BBS9: variants seen among roughly 807,000 people sequenced by gnomAD.
BBS9 encodes the protein protein PTHB1.
Under a neutral mutation model 117.7 loss-of-function variants are expected in BBS9, and 89 were observed. The ratio of observed to expected loss-of-function variants is 0.76; its 90% CI spans 0.64 to 0.90. BBS9 has a LOEUF of 0.90. BBS9 is among the 40% of genes least tolerant of loss of function. BBS9 has a pLI of 0.00. For synonymous variants in BBS9, 379 were observed against 370.9 expected, an observed-to-expected ratio of 1.02 and a Z score of -0.25; for missense variants, 982 against 1,042.2, an observed-to-expected ratio of 0.94 and a Z score of 0.80.
chr7:33,613,828 C>T (rs1049781023), intron 21 of BBS9, among the ~76,000 whole-genome samples: 3 of 151,984 alleles, frequency 2.0e-5, no homozygotes, highest in East Asian at 1.9e-4. Flanking sequence ...CATTATATTA[C>T]AGAGAAAGAC....
intron 4 of BBS9, among the ~76,000 whole-genome samples, chr7:33,156,296 C>G (rs1370236181): frequency 1.3e-5 from 2 of 151,870 alleles, no homozygotes; most frequent in Non-Finnish European, 2.9e-5. Context: ...TAAGATATAA[C>G]TTAAAAATTT....
intron 9 of BBS9, among the ~76,000 whole-genome samples, chr7:33,313,435 A>G (rs1464183341): frequency 6.6e-6 from 1 of 152,040 alleles, no homozygotes; most frequent in African/African-American, 2.4e-5. Context: ...AAGTTACATC[A>G]TTTTCTTTTT....
intron 20 of BBS9, among the ~76,000 whole-genome samples, chr7:33,516,007 T>C (rs1847709369): frequency 6.6e-6 from 1 of 152,210 alleles, no homozygotes; most frequent in Non-Finnish European, 1.5e-5. Flanking sequence ...AATTAATTCA[T>C]TGAGGAGTAT....
intron 8 of BBS9, 124 bp downstream of exon 8, chr7:33,273,319 A>T (rs1442746056): frequency 1.2e-5 from 12 of 1,037,100 alleles, no homozygotes; most frequent in Non-Finnish European, 1.7e-5. Flanking sequence ...TGAATATGTA[A>T]TGGAAATTTT....
At chr7:33,270,036 A>AG (rs1334083016) in intron 7 of BBS9, among the ~76,000 whole-genome samples, 1 of 150,864 alleles carries the variant, frequency 6.6e-6, no homozygotes, top group Non-Finnish European at 1.5e-5. Context: ...AAAAAAAAAA[A>AG]GGAGAGAAAG....
intron 19 of BBS9, among the ~76,000 whole-genome samples, chr7:33,397,075 A>G (rs1050957139): frequency 1.3e-5 from 2 of 152,200 alleles, no homozygotes; most frequent in African/African-American, 4.8e-5. Flanking sequence ...CAGTCTCTCC[A>G]TCTGACAAAG....
downstream of BBS9, among the ~76,000 whole-genome samples, chr7:33,610,963 T>A (rs1864824181): frequency 6.6e-6 from 1 of 152,088 alleles, no homozygotes; most frequent in Non-Finnish European, 1.5e-5. Flanking sequence ...AGCCACTCCA[T>A]GAATTGTCCC....
rs1346713718 is a variant in BBS9 at position 33,605,376 on chromosome 7, AC to A, written c.*151del. Reference sequence around the variant, plus strand: ...GACATGCATAGAAAGAGGGGTTGGGACTTTTTACTTCACTAGGAGAACTTGT... The same window carrying A: ...GACATGCATAGAAAGAGGGGTTGGGATTTTTACTTCACTAGGAGAACTTGT... On this transcript the variant is annotated 3_prime_UTR_variant, in exon 23 of 23. Transcript: ENST00000242067. The A allele has an allele frequency of 5.0e-6, 4 of 798,416 alleles. No homozygotes were observed. Among genetic ancestry groups the A allele is most frequent in the Non-Finnish European group, 8.7e-6 (4 of 457,976 alleles). 49.5% of individuals were successfully genotyped at this position (798,416 alleles called of 1,614,324 possible).
chr7:33,225,284 A>T (rs1262027194), intron 5 of BBS9, among the ~76,000 whole-genome samples: 2 of 152,016 alleles, frequency 1.3e-5, no homozygotes, highest in African/African-American at 4.8e-5. Flanking sequence ...TGTGGCCTTG[A>T]CCTCCTGGGC....
At position 33,203,702 on chromosome 7, in the gene BBS9, C is replaced by T. The variant is rs17396229; in HGVS notation, c.442+26111C>T. On this transcript the variant is annotated intron_variant, in intron 5 of 22. Coordinates refer to ENST00000242067, the MANE Select transcript of BBS9 (RefSeq NM_198428.3). ...AACCATCCTTATTTATTTATTTTTACGATATTGGAACACTACTTTTCTTTT... is the reference window on the plus strand; with the variant it reads ...AACCATCCTTATTTATTTATTTTTATGATATTGGAACACTACTTTTCTTTT... Among the ~76,000 whole-genome samples, 834 of 131,180 alleles carry T rather than the reference C, an allele frequency of 6.4e-3. 11 individuals are homozygous for T. Among genetic ancestry groups the T allele is most frequent in the African/African-American group, 0.023 (778 of 34,150 alleles). The allele number at this position is 131,180 out of a possible 152,430, so 86.1% of individuals were successfully genotyped here.
chr7:33,172,312 T>C (rs7783610), intron 4 of BBS9, among the ~76,000 whole-genome samples: 132,426 of 151,728 alleles, frequency 0.87, 58,041 homozygotes, highest in African/African-American at 0.96. Flanking sequence ...ACCCAGGCGG[T>C]GGAGCTTGCA....
chr7:33,438,443 C>T (rs556500093), intron 19 of BBS9, among the ~76,000 whole-genome samples: 69 of 151,902 alleles, frequency 4.5e-4, no homozygotes, highest in African/African-American at 1.4e-3. Context: ...GTAAAGAATC[C>T]GACATAATTA....
chr7:33,152,672 C>T, intron 2 of BBS9, 29 bp from the exon 3 acceptor site: 17 of 1,574,994 alleles, frequency 1.1e-5, no homozygotes, highest in Non-Finnish European at 1.4e-5. Context: ...GTTTCTCCCT[C>T]TATCTTTTTT....
intron 20 of BBS9, among the ~76,000 whole-genome samples, chr7:33,527,070 GGTCAGGC>G (rs1052790116): frequency 6.6e-6 from 1 of 151,644 alleles, no homozygotes; most frequent in African/African-American, 2.4e-5. Context: ...GGGGGTCAGG[GGTCAGGC>G]ACCCACTTGA....
At chr7:33,195,561 T>C (rs1293403283) in intron 5 of BBS9, among the ~76,000 whole-genome samples, 5 of 152,184 alleles carry the variant, frequency 3.3e-5, no homozygotes, top group Non-Finnish European at 5.9e-5. Flanking sequence ...CTTATCTAAT[T>C]GCAACTGTGT....
At chr7:33,525,033 T>C (rs1268907409) in intron 20 of BBS9, among the ~76,000 whole-genome samples, 25 of 151,938 alleles carry the variant, frequency 1.6e-4, no homozygotes, top group Admixed American at 1.6e-3. Flanking sequence ...GAGCAGGTTG[T>C]TCAGTTTCCA....
At chr7:33,417,746 T>G (rs1434866809) in intron 19 of BBS9, among the ~76,000 whole-genome samples, 1 of 152,178 alleles carries the variant, frequency 6.6e-6, no homozygotes, top group Non-Finnish European at 1.5e-5. Flanking sequence ...TTAACAGAAG[T>G]CTTAGTACCA....
rs542421060 is a variant in BBS9, at chr7:33,365,706, G to A, written c.1694-2061G>A. Among the ~76,000 whole-genome samples the A allele has an allele frequency of 3.9e-5, 6 of 152,370 alleles. No individual in the cohort carries two copies. The East Asian group carries it at 9.7e-4, about 25-fold the overall frequency. ...ATGTGTAAAGGGACTTTGGTTCTGG[G>A]CTTTGGGTGGTAATGGCACCAGTGC... is the stretch of plus-strand genomic sequence containing the variant. On this transcript the variant is annotated intron_variant, in intron 16 of 22. Coordinates refer to ENST00000242067, the MANE Select transcript of BBS9 (RefSeq NM_198428.3).
At chr7:33,544,574 C>T (rs905058320) in intron 21 of BBS9, among the ~76,000 whole-genome samples, 2 of 152,156 alleles carry the variant, frequency 1.3e-5, no homozygotes, top group Admixed American at 6.5e-5. Context: ...CAGTGGATAC[C>T]AGTGCATGTT....
Sources: gnomAD v4.1 joint callset for allele counts (sites outside exome capture counted in the v4.1 genomes callset) on GRCh38, gnomAD v4.1.1 for gene constraint, MANE v1.5 for transcripts, NCBI Gene and HGNC (gene_info 2026-07-23, HGNC 2026-07-21) for gene names.